GRHL2: variants seen among roughly 807,000 people sequenced by gnomAD.
The protein encoded by GRHL2 is grainyhead like transcription factor 2, also known as grainyhead-like protein 2 homolog.
A neutral mutation model predicts 83.8 loss-of-function variants in GRHL2; 21 were observed. That is an observed-to-expected ratio of 0.25 (90% CI 0.18 to 0.36). The LOEUF is 0.36. Ranked by LOEUF, GRHL2 falls within the 10% of genes least tolerant of loss-of-function variation. The pLI is 1.00. For synonymous variants in GRHL2, 280 were observed against 278.9 expected, an observed-to-expected ratio of 1.00 and a Z score of -0.04; for missense variants, 623 against 781.8, an observed-to-expected ratio of 0.80 and a Z score of 2.42.
chr8:101,608,010 G>T (rs1812665355), intron 8 of GRHL2, among the ~76,000 whole-genome samples: 1 of 152,168 alleles, frequency 6.6e-6, no homozygotes, highest in African/African-American at 2.4e-5. Flanking sequence ...ACAAACTATT[G>T]TATTGTGCAG....
chr8:101,619,028 C>T (rs940617257), intron 8 of GRHL2, among the ~76,000 whole-genome samples: 6 of 151,982 alleles, frequency 3.9e-5, no homozygotes, highest in Admixed American at 1.3e-4. Flanking sequence ...CTGAGGCAGG[C>T]GGATCACGAG....
intron 3 of GRHL2, among the ~76,000 whole-genome samples, chr8:101,555,337 G>A (rs572560083): frequency 2.8e-4 from 43 of 152,216 alleles, no homozygotes; most frequent in Middle Eastern, 3.4e-3. Context: ...GGGCTGACAC[G>A]AGTTCGGGAA....
At chr8:101,584,878 G>T (rs1812131040) in intron 7 of GRHL2, among the ~76,000 whole-genome samples, 1 of 152,090 alleles carries the variant, frequency 6.6e-6, no homozygotes, top group Admixed American at 6.5e-5. Flanking sequence ...CAGGTGGCTA[G>T]GTGGTCAGAT....
chr8:101,605,687 G>A (rs761828174), intron 8 of GRHL2, among the ~76,000 whole-genome samples: 2 of 152,122 alleles, frequency 1.3e-5, no homozygotes, highest in Admixed American at 6.6e-5. Flanking sequence ...TGTCCATATC[G>A]TGCATATCAT....
At chr8:101,652,358 GGT>G (rs1245393283) in intron 14 of GRHL2, among the ~76,000 whole-genome samples, 875 of 74,756 alleles carry the variant, frequency 0.012, 20 homozygotes, top group African/African-American at 0.039. Context: ...TGGTGTGTGT[GGT>G]GTGTGTGTGT....
At chr8:101,493,109 T>C (rs529749239) in intron 1 of GRHL2, among the ~76,000 whole-genome samples, 1 of 152,200 alleles carries the variant, frequency 6.6e-6, no homozygotes, top group Non-Finnish European at 1.5e-5. Context: ...TTTTGGTAGA[T>C]GGGCGCGGGA....
rs79648035 is a variant in GRHL2, at chr8:101,613,490, G to T, written c.1099-6049G>T. Among the ~76,000 whole-genome samples the T allele has an allele frequency of 8.8e-4, 133 of 150,938 alleles. No individual in the cohort carries two copies. The East Asian group carries it at 0.024, about 27-fold the overall frequency. On this transcript the variant is annotated intron_variant, in intron 8 of 15. Transcript: ENST00000646743. ...AGCACAATGCCAAGCACAGAGAGAA[G>T]ATATTAAATCACTATTTGATGAATA... is the stretch of plus-strand genomic sequence containing the variant.
intron 8 of GRHL2, among the ~76,000 whole-genome samples, chr8:101,617,154 G>A (rs1812872868): frequency 6.6e-6 from 1 of 151,530 alleles, no homozygotes; most frequent in South Asian, 2.1e-4. Context: ...ATTACTGATG[G>A]TCCTCGTGTT....
the GRHL2 span, among the ~76,000 whole-genome samples, chr8:101,680,787 C>G: frequency 4.8e-4 from 61 of 126,768 alleles, no homozygotes; most frequent in African/African-American, 1.7e-3. Context: ...CAAAGCCGCT[C>G]AACTACATGG....
At chr8:101,502,619 G>A (rs547008392) in intron 1 of GRHL2, among the ~76,000 whole-genome samples, 5 of 152,306 alleles carry the variant, frequency 3.3e-5, no homozygotes, top group Admixed American at 3.3e-4. Flanking sequence ...AGCCCAGGAA[G>A]TGTTCATTCT....
intron 1 of GRHL2, among the ~76,000 whole-genome samples, chr8:101,494,018 C>G (rs367545434): frequency 2.6e-5 from 4 of 152,146 alleles, no homozygotes; most frequent in African/African-American, 7.2e-5. Flanking sequence ...CGGGCGCGTC[C>G]GGGCCTGGGA....
chr8:101,606,039 G>T lies in GRHL2; in HGVS notation c.1098+6888G>T, dbSNP rs540533169. On this transcript the variant is annotated intron_variant, in intron 8 of 15. Coordinates refer to ENST00000646743, the MANE Select transcript of GRHL2 (RefSeq NM_024915.4). ...GTTCTTTTTTTGAAAAACCATGCAA[G>T]AAGCACAGCACTGAGAAATTTCCAA... Among the ~76,000 whole-genome samples, 28 of 152,234 alleles carry T rather than the reference G, an allele frequency of 1.8e-4. No homozygotes were observed. The South Asian group carries it at 3.1e-3, about 17-fold the overall frequency.
At chr8:101,509,150 C>CTTT (rs397944981) in intron 1 of GRHL2, among the ~76,000 whole-genome samples, 2 of 67,836 alleles carry the variant, frequency 2.9e-5, no homozygotes, top group African/African-American at 4.2e-5. Context: ...TCCTTCCTTC[C>CTTT]TTCCTTCCTT....
intron 1 of GRHL2, among the ~76,000 whole-genome samples, chr8:101,524,455 T>A (rs889836479): frequency 6.6e-5 from 10 of 152,196 alleles, no homozygotes; most frequent in Non-Finnish European, 1.5e-4. Context: ...TTTGTTCCCA[T>A]CTAACATAAG....
In GRHL2 at chr8:101,492,766, A is replaced by T. The variant is rs1809990595; in HGVS notation, c.-4A>T. The T allele has an allele frequency of 6.2e-7, 1 of 1,613,858 alleles. No individual in the cohort carries two copies. The highest frequency in any genetic ancestry group is 8.5e-7 in the Non-Finnish European group (1 of 1,179,728). ...AAAAGCGGAGCAAGTTCATTGGATC[A>T]AACATGTCACAAGAGTCGGACAAGT... On this transcript the variant is annotated 5_prime_UTR_variant, in exon 1 of 16. Transcript: ENST00000646743.
chr8:101,616,193 A>C lies in GRHL2; in HGVS notation c.1099-3346A>C, dbSNP rs1213549249. Among the ~76,000 whole-genome samples, 3 of 144,892 alleles carry C rather than the reference A, an allele frequency of 2.1e-5. No individual in the cohort carries two copies. The East Asian group carries it at 6.1e-4, about 29-fold the overall frequency. ...CTCTCTCTCTCTCTTTCTTTTTGAC[A>C]GAGTTTCACTCTTGTTGCCCAGGCT... On this transcript the variant is annotated intron_variant, in intron 8 of 15. Transcript: ENST00000646743.
chr8:101,637,078 A>G, intron 12 of GRHL2, 150 bp downstream of exon 12: 1 of 792,936 alleles, frequency 1.3e-6, no homozygotes, highest in Non-Finnish European at 2.3e-6. Flanking sequence ...TCTGGGGACC[A>G]TCTGGGAGGG....
chr8:101,648,841 C>A (rs1412533487), intron 13 of GRHL2, among the ~76,000 whole-genome samples: 1 of 152,192 alleles, frequency 6.6e-6, no homozygotes, highest in Non-Finnish European at 1.5e-5. Flanking sequence ...TTCAAGGGAC[C>A]CTTCCAGGAA....
chr8:101,628,277 C>T (rs1489347162), intron 9 of GRHL2, among the ~76,000 whole-genome samples: 2 of 151,890 alleles, frequency 1.3e-5, no homozygotes, highest in Non-Finnish European at 2.9e-5. Flanking sequence ...ATGTACCATA[C>T]CAAAAATCCT....
Sources: gnomAD v4.1 joint callset for allele counts (sites outside exome capture counted in the v4.1 genomes callset) on GRCh38, gnomAD v4.1.1 for gene constraint, MANE v1.5 for transcripts, NCBI Gene and HGNC (gene_info 2026-07-23, HGNC 2026-07-21) for gene names.